DCAF6: variants seen among roughly 807,000 people sequenced by gnomAD.
The protein encoded by DCAF6 is DDB1 and CUL4 associated factor 6.
DCAF6 carries 54 observed loss-of-function variants against 125.1 expected under a neutral mutation model. That is an observed-to-expected ratio of 0.43 (90% CI 0.35 to 0.54). The LOEUF is 0.54. Ranked by LOEUF, DCAF6 falls within the 20% of genes least tolerant of loss-of-function variation. The probability of loss-of-function intolerance (pLI) is 0.01; values close to 1 mark genes in which losing one functional copy is unlikely to be tolerated. For synonymous variants in DCAF6, 371 were observed against 390.4 expected (o/e 0.95, Z 0.58); for missense variants, 934 against 1,161.7 (o/e 0.80, Z 2.85).
At chr1:167,881,463 G>T in the DCAF6 span, among the ~76,000 whole-genome samples, 1 of 152,118 alleles carries the variant, frequency 6.6e-6, no homozygotes, top group Non-Finnish European at 1.5e-5. Context: ...AAAAGGACTG[G>T]GATCTGCCTT....
the DCAF6 span, among the ~76,000 whole-genome samples, chr1:167,869,182 A>G: frequency 6.6e-6 from 1 of 152,218 alleles, no homozygotes; most frequent in Admixed American, 6.5e-5. Context: ...TCCCAGCACT[A>G]GGAGGATTTA....
intron 1 of DCAF6, among the ~76,000 whole-genome samples, chr1:167,944,077 T>C (rs1478032089): frequency 1.3e-5 from 2 of 152,122 alleles, no homozygotes; most frequent in East Asian, 3.9e-4. Flanking sequence ...CCCCCGACCT[T>C]GTGATCTGCC....
At chr1:167,937,411 C>T (rs1286345448) in intron 1 of DCAF6, among the ~76,000 whole-genome samples, 1 of 152,184 alleles carries the variant, frequency 6.6e-6, no homozygotes, top group Non-Finnish European at 1.5e-5. Context: ...GTTGCCCACC[C>T]TCTCCTTCAA....
At chr1:167,927,592 T>G in the DCAF6 span, among the ~76,000 whole-genome samples, 1 of 152,238 alleles carries the variant, frequency 6.6e-6, no homozygotes, top group Non-Finnish European at 1.5e-5. Flanking sequence ...GAAGTTTCTG[T>G]CACCCCAAAA....
At chr1:167,929,701 G>A in the DCAF6 span, among the ~76,000 whole-genome samples, 1 of 152,036 alleles carries the variant, frequency 6.6e-6, no homozygotes. Context: ...GCCACCTATC[G>A]TATATATGAT....
At chr1:167,925,839 G>A in the DCAF6 span, among the ~76,000 whole-genome samples, 1 of 152,076 alleles carries the variant, frequency 6.6e-6, no homozygotes, top group African/African-American at 2.4e-5. Flanking sequence ...GAGCCACCGT[G>A]CCCGGCCACA....
At chr1:167,913,603 C>T in the DCAF6 span, among the ~76,000 whole-genome samples, 1 of 152,164 alleles carries the variant, frequency 6.6e-6, no homozygotes, top group Non-Finnish European at 1.5e-5. Flanking sequence ...GTAAGCTCCC[C>T]GTTTGGAACC....
chr1:167,942,238 A>G (rs571199053), intron 1 of DCAF6, among the ~76,000 whole-genome samples: 80 of 150,574 alleles, frequency 5.3e-4, no homozygotes, highest in African/African-American at 1.9e-3. Context: ...CTAATGTTGT[A>G]TTTTTAGTAG....
At chr1:168,025,649 C>T (rs1215197038) in intron 12 of DCAF6, among the ~76,000 whole-genome samples, 2 of 152,074 alleles carry the variant, frequency 1.3e-5, no homozygotes, top group African/African-American at 4.8e-5. Flanking sequence ...CTAAAGATAA[C>T]TTCTAAAAGT....
At chr1:167,999,182 T>C (rs1415448859) in intron 7 of DCAF6, among the ~76,000 whole-genome samples, 2 of 152,152 alleles carry the variant, frequency 1.3e-5, no homozygotes, top group African/African-American at 4.8e-5. Context: ...CCCAGTAGTA[T>C]TTTGAAAGGA....
chr1:168,049,530 G>T (rs1352582662), intron 16 of DCAF6, among the ~76,000 whole-genome samples: 1 of 151,098 alleles, frequency 6.6e-6, no homozygotes, highest in Non-Finnish European at 1.5e-5. Flanking sequence ...AAAGTGCTGG[G>T]GGACTATAGG....
At chr1:167,873,838 A>G in the DCAF6 span, among the ~76,000 whole-genome samples, 1 of 152,252 alleles carries the variant, frequency 6.6e-6, no homozygotes, top group South Asian at 2.1e-4. Flanking sequence ...AAAGACAGGT[A>G]AATTTGATTA....
chr1:168,045,110 G>A lies in DCAF6; in HGVS notation c.2141G>A (p.Gly714Glu). 1 of 1,613,948 alleles carries A rather than the reference G, an allele frequency of 6.2e-7. No homozygotes were observed. Among genetic ancestry groups the A allele is most frequent in the Non-Finnish European group, 8.5e-7 (1 of 1,179,928 alleles). The stretch of plus-strand genomic sequence containing the variant: ...CCTCAGTTCCAAACAGAAGCCACTG[G>A]GCCTTCAGCTCATGAAGAAACATCC... ...PEPQFQTEAT[G>E]PSAHEETSTR... Residue 714 changes from glycine (G) to glutamate (E), a missense_variant, in exon 16 of 22, where the codon GGG becomes GAG. Coordinates refer to ENST00000367840, the MANE Select transcript of DCAF6 (RefSeq NM_001198956.2).
chr1:167,912,396 T>C, the DCAF6 span, among the ~76,000 whole-genome samples: 1 of 152,328 alleles, frequency 6.6e-6, no homozygotes, highest in Non-Finnish European at 1.5e-5. Flanking sequence ...CACATGTTCC[T>C]GGCAACATGG....
At chr1:167,965,779 C>T (rs1221878810) in intron 2 of DCAF6, among the ~76,000 whole-genome samples, 7 of 151,956 alleles carry the variant, frequency 4.6e-5, no homozygotes, top group South Asian at 4.2e-4. Context: ...GGATTACAGG[C>T]GCATGCCACC....
rs759746198 is a variant in DCAF6, at chr1:168,044,972, G to T, written c.2003G>T (p.Arg668Leu). The T allele has an allele frequency of 1.2e-6, 2 of 1,614,030 alleles. No individual in the cohort carries two copies. ...GAAAGAAATGACCTCAATCTTGATC[G>T]CTCTTGTGGGGTTCCAGAAGAATCT... is the stretch of plus-strand genomic sequence containing the variant. Reference protein sequence around the residue: ...SGERNDLNLDRSCGVPEESAS... With the variant: ...SGERNDLNLDLSCGVPEESAS... Residue 668 changes from arginine (R) to leucine (L), a missense_variant, in exon 16 of 22, where the codon CGC (arginine) becomes CTC (leucine). By Grantham distance (102) the Arg-to-Leu change is moderately radical. Around this residue, in one of 5 missense-constraint regions of DCAF6, gnomAD observed 559 missense variants for 635.5 expected, o/e 0.88. Transcript: ENST00000367840.
the DCAF6 span, chr1:167,902,113 ATCAT>A: frequency 6.7e-7 from 1 of 1,503,410 alleles, no homozygotes; most frequent in South Asian, 1.1e-5. Context: ...GTAAAAAAAC[ATCAT>A]TCTTTCTTAG....
the DCAF6 span, among the ~76,000 whole-genome samples, chr1:167,902,664 T>G: frequency 1.3e-5 from 2 of 152,234 alleles, no homozygotes; most frequent in African/African-American, 2.4e-5. Flanking sequence ...GCATTAAATT[T>G]TGTCTAGTGG....
intron 17 of DCAF6, 24 bp downstream of exon 17, chr1:168,050,957 A>G (rs1689839947): frequency 8.1e-7 from 1 of 1,238,378 alleles, no homozygotes; most frequent in Non-Finnish European, 1.1e-6. Context: ...TTCCTTCATA[A>G]TTTTTTTTTT....
Sources: allele counts gnomAD v4.1 joint callset (sites outside exome capture counted in the v4.1 genomes callset), GRCh38; gene constraint gnomAD v4.1.1; regional missense constraint gnomAD v4.1.1; transcripts MANE v1.5; gene names NCBI Gene and HGNC (gene_info 2026-07-23, HGNC 2026-07-21).